ZFP28: variants seen among roughly 807,000 people sequenced by gnomAD.
ZFP28 encodes the protein ZFP28 zinc finger protein.
A neutral mutation model predicts 39.5 loss-of-function variants in ZFP28; 31 were observed. That is an observed-to-expected ratio of 0.79 (90% CI 0.59 to 1.06). ZFP28 has a LOEUF of 1.06. Among genes scored for constraint, ZFP28 ranks in the 50% least tolerant of loss-of-function variants. The probability of loss-of-function intolerance (pLI) is 0.00; values close to 1 mark genes in which losing one functional copy is unlikely to be tolerated. For synonymous variants in ZFP28, 400 were observed against 378.6 expected (o/e 1.06, Z -0.66); for missense variants, 925 against 1,048.4 (o/e 0.88, Z 1.63).
At chr19:56,539,382 C>T (rs1301101405) in intron 1 of ZFP28, among the ~76,000 whole-genome samples, 156 bp downstream of exon 1, 1 of 152,102 alleles carries the variant, frequency 6.6e-6, no homozygotes, top group Non-Finnish European at 1.5e-5. Flanking sequence ...GATTTGGAAG[C>T]TCAACTGATT....
In ZFP28 at chr19:56,550,053, T is replaced by G; in HGVS notation, c.688-14T>G. 6.2e-7 allele frequency: 1 copy of G among 1,600,008 alleles called. No homozygotes were observed. Among genetic ancestry groups the G allele is most frequent in the Non-Finnish European group, 8.5e-7 (1 of 1,172,490 alleles). Reference sequence around the variant, plus strand: ...ACATGGTTTGATTTAAAAAACGTGCTTTTACCATTGCAGGGCTTGGTGACT... The same window carrying G: ...ACATGGTTTGATTTAAAAAACGTGCGTTTACCATTGCAGGGCTTGGTGACT... On this transcript the variant is annotated splice_polypyrimidine_tract_variant and intron_variant, in intron 5 of 7. Coordinates refer to ENST00000301318, the MANE Select transcript of ZFP28 (RefSeq NM_020828.2).
chr19:56,541,231 T>C (rs1240028541), intron 2 of ZFP28, among the ~76,000 whole-genome samples: 1 of 152,242 alleles, frequency 6.6e-6, no homozygotes, highest in Non-Finnish European at 1.5e-5. Context: ...CGTTTCATCC[T>C]CTCAGTTACT....
intron 6 of ZFP28, 151 bp downstream of exon 6, chr19:56,550,332 A>T (rs748924433): frequency 1.1e-6 from 1 of 928,158 alleles, no homozygotes; most frequent in Non-Finnish European, 1.6e-6. Flanking sequence ...GCATTTGTAG[A>T]GGTGAAAGTT....
Position 56,539,202 on chromosome 19 carries a change from GCC to G in ZFP28, c.187_188del (p.Pro63TyrfsTer31). On this transcript the variant is annotated frameshift_variant, in exon 1 of 8. Coordinates refer to ENST00000301318, the MANE Select transcript of ZFP28 (RefSeq NM_020828.2). LOFTEE classifies it high-confidence loss of function. The stretch of plus-strand genomic sequence containing the variant: ...CGCATCCAAAGGCCAGCGAGGAGCG[GCC>G]CCTACGGGGCCTGGGCACAGAGGTG... ...GLASKGQRGAAPTGPGHRALP... is the reference protein window; with the variant it reads ...GLASKGQRGAXPTGPGHRALP... 6.3e-7 allele frequency: 1 copy of G among 1,599,230 alleles called. No homozygotes were observed. Among genetic ancestry groups the G allele is most frequent in the South Asian group, 1.1e-5 (1 of 89,508 alleles).
At position 56,555,273 on chromosome 19, in the gene ZFP28, C is replaced by A. The variant is rs957038753; in HGVS notation, c.2488C>A (p.His830Asn). The change falls in exon 8 of 8, where the codon CAT (histidine) becomes AAT (asparagine). Residue 830 changes from histidine to asparagine, a missense_variant. By Grantham distance (68) the His-to-Asn change is moderately conservative. Around this residue, in one of 2 missense-constraint regions of ZFP28, gnomAD observed 369 missense variants for 505.5 expected, o/e 0.73. Coordinates refer to ENST00000301318, the MANE Select transcript of ZFP28 (RefSeq NM_020828.2). ...CTTCAGGCAAACTGCTCACTTAGCT[C>A]ATCATCAGCGAATTCATACTGGAGA... ...KVFRQTAHLAHHQRIHTGESS... is the reference protein window; with the variant it reads ...KVFRQTAHLANHQRIHTGESS... 1 of 1,614,114 alleles carries A rather than the reference C, an allele frequency of 6.2e-7. No homozygotes were observed. Among genetic ancestry groups the A allele is most frequent in the African/African-American group, 1.3e-5 (1 of 75,038 alleles).
rs979772755 is a variant in ZFP28, at chr19:56,551,461, C to T, written c.898+856C>T. 6.1e-6 allele frequency: 6 copies of T among 985,056 alleles called. No homozygotes were observed. In the African/African-American group the frequency reaches 8.7e-5, roughly 14 times the overall value. The allele number at this position is 985,056 out of a possible 1,614,324, so 61.0% of individuals were successfully genotyped here. ...ATACACGTTTTTCATGTGGATTCCA[C>T]GTTGTATATACCATTGCTCACTTAG... On this transcript the variant is annotated intron_variant, in intron 7 of 7. Coordinates refer to ENST00000301318, the MANE Select transcript of ZFP28 (RefSeq NM_020828.2).
chr19:56,538,000 G>A (rs2044149518), upstream of ZFP28: 1 of 152,242 alleles, frequency 6.6e-6, no homozygotes, highest in South Asian at 2.1e-4. Flanking sequence ...CGCCAGGGCT[G>A]GTATTTTTGA....
In ZFP28 at chr19:56,539,028, G is replaced by C. The variant is rs1160217833; in HGVS notation, c.10G>C (p.Ala4Pro). MRG[A>P]ASASVREPTP... ...CGCGGCCTCGGGTGACATGCGGGGG[G>C]CGGCGAGCGCGAGTGTCCGCGAGCC... The change falls in exon 1 of 8, where the codon GCG becomes CCG. Residue 4 changes from alanine (A) to proline (P), a missense_variant. Physicochemically the swap from Ala to Pro is conservative, Grantham distance 27. Coordinates refer to ENST00000301318, the MANE Select transcript of ZFP28 (RefSeq NM_020828.2). 1 of 1,435,636 alleles carries C rather than the reference G, an allele frequency of 7.0e-7. No homozygotes were observed. The highest frequency in any genetic ancestry group is 2.7e-5 in the East Asian group (1 of 37,294). The allele number at this position is 1,435,636 out of a possible 1,614,324, so 88.9% of individuals were successfully genotyped here. A position where few individuals can be genotyped will look rare whatever the true frequency, so the allele number is the denominator to read the frequency against.
At chr19:56,538,823 G>T (rs1214646851), upstream of ZFP28, 1 of 125,516 alleles carries the variant, frequency 8.0e-6, no homozygotes, top group African/African-American at 3.2e-5. Context: ...GGGGCGGGGC[G>T]GGGCGGGGCA....
In ZFP28 at chr19:56,554,801, A is replaced by G. The variant is rs373239728; in HGVS notation, c.2016A>G (p.Pro672=). 2.1e-5 allele frequency: 34 copies of G among 1,614,044 alleles called. No individual in the cohort carries two copies. In the African/African-American group the frequency reaches 3.9e-4, roughly 18 times the overall value. ...QHQKTHTGEK[P]YECKECGKAF... is the part of the protein sequence containing the mutation. ...AGAAAACCCATACAGGAGAGAAACC[A>G]TATGAGTGCAAGGAATGCGGTAAAG... Residue 672 remains proline, a synonymous_variant, in exon 8 of 8, where the codon CCA becomes CCG. Transcript: ENST00000301318. The surrounding 1 kb of genome is among the most constrained non-coding windows in gnomAD (Gnocchi z 6.7).
Position 56,555,480 on chromosome 19 carries a change from TA to T in ZFP28, c.*89del. ...TGTTTTCTTTTTGTCCCTTATTAGT[TA>T]GTTCTTCACATAAGTGTAAATGTAA... is the stretch of plus-strand genomic sequence containing the variant. On this transcript the variant is annotated 3_prime_UTR_variant, in exon 8 of 8. Coordinates refer to ENST00000301318, the MANE Select transcript of ZFP28 (RefSeq NM_020828.2). 6.9e-7 allele frequency: 1 copy of T among 1,458,160 alleles called. No individual in the cohort carries two copies. Among genetic ancestry groups the T allele is most frequent in the Non-Finnish European group, 9.2e-7 (1 of 1,086,294 alleles). The allele number at this position is 1,458,160 out of a possible 1,614,324, so 90.3% of individuals were successfully genotyped here. A position where few individuals can be genotyped will look rare whatever the true frequency, so the allele number is the denominator to read the frequency against.
intron 5 of ZFP28, 104 bp downstream of exon 5, chr19:56,549,225 T>C: frequency 7.4e-7 from 1 of 1,343,734 alleles, no homozygotes; most frequent in Non-Finnish European, 1.0e-6. Context: ...GAAGTTTTCA[T>C]TTGAATACAA....
chr19:56,541,844 C>T (rs544674426), intron 2 of ZFP28, among the ~76,000 whole-genome samples: 27 of 150,116 alleles, frequency 1.8e-4, no homozygotes, highest in African/African-American at 6.2e-4. Flanking sequence ...ATTCTCCTTC[C>T]TCAGCCTCCC....
In ZFP28 at chr19:56,555,374, C is replaced by T. The variant is rs2044342112; in HGVS notation, c.2589C>T (p.Ser863=). The T allele has an allele frequency of 1.2e-6, 2 of 1,611,340 alleles. No homozygotes were observed. Among genetic ancestry groups the T allele is most frequent in the African/African-American group, 1.3e-5 (1 of 74,854 alleles). The change falls in exon 8 of 8, where the codon TCC becomes TCT. Residue 863 remains serine, a synonymous_variant. Coordinates refer to ENST00000301318, the MANE Select transcript of ZFP28 (RefSeq NM_020828.2). ...TTCCCAAATTTCTCTGGAATCCATC[C>T]TCCCTCCCATCACCATAGCCTCGAG... is the stretch of plus-strand genomic sequence containing the variant. ...DLFPKFLWNP[S]SLPSP
chr19:56,545,437 G>T (rs77483693), intron 2 of ZFP28: 1 of 152,144 alleles, frequency 6.6e-6, no homozygotes, highest in East Asian at 1.9e-4. Flanking sequence ...AACCTCAAAG[G>T]GACTTTTGTT....
rs144120232 is a variant in ZFP28 at position 56,549,405 on chromosome 19, C to T, written c.687+284C>T. ...GAAAGCTTTGAGCAGAGGCCAGGCG[C>T]GGTGGCTCACGCCTGTAATCCCAGC... On this transcript the variant is annotated intron_variant, in intron 5 of 7. Coordinates refer to ENST00000301318, the MANE Select transcript of ZFP28 (RefSeq NM_020828.2). Among the ~76,000 whole-genome samples, 700 of 152,220 alleles carry T rather than the reference C, an allele frequency of 4.6e-3. 8 individuals are homozygous for T. Among genetic ancestry groups the T allele is most frequent in the African/African-American group, 0.016 (659 of 41,542 alleles).
chr19:56,539,161 G>C lies in ZFP28; in HGVS notation c.143G>C (p.Arg48Pro), dbSNP rs757228568. Residue 48 changes from arginine (R) to proline (P), a missense_variant, in exon 1 of 8, where the codon CGC becomes CCC. This residue lies in a region of ZFP28 where 556 missense variants were observed against 542.9 expected (regional missense o/e 1.02). Transcript: ENST00000301318. ...TLALPARGRP[R>P]SRNGLASKGQ... ...GCCCTCCCTGCCCGGGGAAGGCCGC[G>C]CTCAAGGAATGGCCTCGCATCCAAA... 31 of 1,600,666 alleles carry C rather than the reference G, an allele frequency of 1.9e-5. No individual in the cohort carries two copies. The Middle Eastern group carries it at 5.1e-4, about 27-fold the overall frequency.
chr19:56,551,318 TTTGG>T, intron 7 of ZFP28: 1 of 986,814 alleles, frequency 1.0e-6, no homozygotes, highest in Non-Finnish European at 1.2e-6. Context: ...TTGTTTACTG[TTTGG>T]CAAAAGAATA....
rs142510339 is a variant in ZFP28 at position 56,555,238 on chromosome 19, G to C, written c.2453G>C (p.Ser818Thr). Residue 818 changes from serine (S) to threonine (T), a missense_variant, in exon 8 of 8, where the codon AGC becomes ACC. By Grantham distance (58) the Ser-to-Thr change is moderately conservative. This residue lies in a region of ZFP28 where 369 missense variants were observed against 505.5 expected (regional missense o/e 0.73). Coordinates refer to ENST00000301318, the MANE Select transcript of ZFP28 (RefSeq NM_020828.2). The part of the protein sequence containing the change: ...TGERSYNYKK[S>T]RKVFRQTAHL... ...GAGAGATCTTATAACTATAAGAAAA[G>C]CAGAAAAGTCTTCAGGCAAACTGCT... is the stretch of plus-strand genomic sequence containing the variant. 1 of 1,614,020 alleles carries C rather than the reference G, an allele frequency of 6.2e-7. No homozygotes were observed. The highest frequency in any genetic ancestry group is 8.5e-7 in the Non-Finnish European group (1 of 1,180,038).
Sources: gnomAD v4.1 joint callset for allele counts (sites outside exome capture counted in the v4.1 genomes callset) on GRCh38, gnomAD v4.1.1 for gene constraint, gnomAD v4.1.1 regional missense constraint, Gnocchi (gnomAD v3.1) non-coding constraint, MANE v1.5 for transcripts, NCBI Gene and HGNC (gene_info 2026-07-23, HGNC 2026-07-21) for gene names.